Variants in PRDM6 observed in about 807,000 individuals in gnomAD.
The protein encoded by PRDM6 is putative histone-lysine N-methyltransferase PRDM6.
Under a neutral mutation model 60.8 loss-of-function variants are expected in PRDM6, and 25 were observed. That is an observed-to-expected ratio of 0.41 (90% CI 0.30 to 0.57). PRDM6 has a LOEUF of 0.57. PRDM6 is among the 20% of genes least tolerant of loss of function. The pLI is 0.27. For missense variants in PRDM6, 839 were observed against 821.3 expected (o/e 1.02, Z -0.26); for synonymous variants, 407 against 357.4 (o/e 1.14, Z -1.57).
intron 3 of PRDM6, among the ~76,000 whole-genome samples, chr5:123,139,127 G>C (rs1030514373): frequency 7.2e-5 from 11 of 151,882 alleles, no homozygotes; most frequent in Admixed American, 2.0e-4. Context: ...GTTTCCTGAG[G>C]CTTCTCCTAC....
rs1766385733 is a variant in PRDM6, at chr5:123,190,405, C to T, written c.*3204C>T. 6.6e-6 allele frequency: 1 copy of T among 152,042 alleles called. No individual in the cohort carries two copies. The highest frequency in any genetic ancestry group is 2.1e-4 in the South Asian group (1 of 4,816). The allele number at this position is 152,042 out of a possible 1,614,324, so 9.4% of individuals were successfully genotyped here. A position where few individuals can be genotyped will look rare whatever the true frequency, so the allele number is the denominator to read the frequency against. ...ATACATTTTTCATAGATAAGCTTTT[C>T]ATTTTTGTTTTGTTTTTATCTTTAA... On this transcript the variant is annotated 3_prime_UTR_variant, in exon 8 of 8. Transcript: ENST00000407847.
intron 7 of PRDM6, among the ~76,000 whole-genome samples, chr5:123,183,267 A>G (rs545373698): frequency 2.0e-5 from 3 of 152,164 alleles, no homozygotes; most frequent in Non-Finnish European, 4.4e-5. Flanking sequence ...TCAGTCCCCA[A>G]ATTGTCCCAC....
intron 3 of PRDM6, among the ~76,000 whole-genome samples, chr5:123,142,720 T>C (rs942968550): frequency 6.6e-6 from 1 of 151,970 alleles, no homozygotes; most frequent in Non-Finnish European, 1.5e-5. Context: ...ACATGATTTC[T>C]AACCTAAAAA....
Position 123,099,910 on chromosome 5 carries a change from C to G in PRDM6, c.849C>G (p.Pro283=), listed in dbSNP as rs745466069. Residue 283 remains proline, a synonymous_variant, in exon 3 of 8, where the codon CCC becomes CCG. Transcript: ENST00000407847. The surrounding 1 kb of genome is among the most constrained non-coding windows in gnomAD (Gnocchi z 4.0). ...GACCTTTCCAAGGCGTGCTTCTGCC[C>G]CCAGAGAAGGTGCAGGCAGGCGCCG... ...WIGPFQGVLL[P]PEKVQAGAVR... 37 of 1,546,478 alleles carry G rather than the reference C, an allele frequency of 2.4e-5. No homozygotes were observed. Among genetic ancestry groups the G allele is most frequent in the Non-Finnish European group, 3.1e-5 (36 of 1,144,418 alleles).
rs764659923 is a variant in PRDM6 at position 123,187,047 on chromosome 5, C to T, written c.1674-40C>T. On this transcript the variant is annotated intron_variant, in intron 7 of 7. Coordinates refer to ENST00000407847, the MANE Select transcript of PRDM6 (RefSeq NM_001136239.4). The stretch of plus-strand genomic sequence containing the variant: ...AGAGGAAGCCCATCACCCTGCAGGC[C>T]CCGCTCCCTGGTCTCAATTTTCTCT... 2.7e-6 allele frequency: 4 copies of T among 1,459,156 alleles called. 1 individual carries two copies. In the South Asian group the frequency reaches 4.9e-5, roughly 18 times the overall value. The allele number at this position is 1,459,156 out of a possible 1,614,324, so 90.4% of individuals were successfully genotyped here.
chr5:123,143,072 G>A (rs1487932396), intron 3 of PRDM6, among the ~76,000 whole-genome samples: 3 of 151,542 alleles, frequency 2.0e-5, no homozygotes, highest in African/African-American at 4.9e-5. Flanking sequence ...ACTCAGTCAC[G>A]GATGTTCTCA....
chr5:123,158,533 A>G (rs1185784230), intron 4 of PRDM6, among the ~76,000 whole-genome samples: 6 of 152,206 alleles, frequency 3.9e-5, no homozygotes, highest in Admixed American at 3.9e-4. Context: ...CAAGTACAAT[A>G]TTGAGAATCT....
intron 3 of PRDM6, among the ~76,000 whole-genome samples, chr5:123,151,487 G>C (rs1765368319): frequency 6.6e-6 from 1 of 152,194 alleles, no homozygotes; most frequent in African/African-American, 2.4e-5. Context: ...AGGCAGAGAA[G>C]TGGAGAGAAG....
At chr5:123,129,299 A>G (rs1291065144) in intron 3 of PRDM6, among the ~76,000 whole-genome samples, 2 of 152,204 alleles carry the variant, frequency 1.3e-5, no homozygotes, top group African/African-American at 2.4e-5. Context: ...TTTTGTGAAG[A>G]AAGTCATTGG....
At chr5:123,112,513 T>C (rs1764335380) in intron 3 of PRDM6, among the ~76,000 whole-genome samples, 1 of 152,200 alleles carries the variant, frequency 6.6e-6, no homozygotes, top group Non-Finnish European at 1.5e-5. Flanking sequence ...CTGTTCTTTC[T>C]CACACCCGGA....
intron 3 of PRDM6, among the ~76,000 whole-genome samples, chr5:123,148,835 A>C (rs443382): frequency 0.72 from 109,384 of 152,048 alleles, 39,472 homozygotes; most frequent in Non-Finnish European, 0.75. Context: ...AGAGCTCTAC[A>C]TTTCTCTCTG....
chr5:123,158,105 A>T (rs1373544398), intron 4 of PRDM6, among the ~76,000 whole-genome samples: 3 of 152,224 alleles, frequency 2.0e-5, no homozygotes, highest in African/African-American at 7.2e-5. Flanking sequence ...GCCTCAGAAG[A>T]CCACCCATTG....
chr5:123,097,992 A>G (rs551637782), intron 2 of PRDM6, among the ~76,000 whole-genome samples: 3 of 152,362 alleles, frequency 2.0e-5, no homozygotes, highest in African/African-American at 7.2e-5. Flanking sequence ...CCCTCCAGTG[A>G]GACAGGAGGC....
intron 5 of PRDM6, among the ~76,000 whole-genome samples, chr5:123,169,044 C>T (rs369215193): frequency 7.9e-5 from 12 of 152,362 alleles, no homozygotes; most frequent in African/African-American, 2.4e-4. Context: ...TCCTGCCACG[C>T]GGCCTTGAAC....
intron 2 of PRDM6, among the ~76,000 whole-genome samples, chr5:123,096,102 C>A (rs935545073): frequency 2.5e-3 from 1 of 402 alleles, no homozygotes; most frequent in African/African-American, 8.8e-3. Context: ...GACGCTTAGA[C>A]AGGAGCATTG....
chr5:123,109,375 G>A (rs529798580), intron 3 of PRDM6, among the ~76,000 whole-genome samples: 1 of 152,248 alleles, frequency 6.6e-6, no homozygotes, highest in African/African-American at 2.4e-5. Flanking sequence ...TGACTTTTGT[G>A]TAGTAATTGA....
chr5:123,172,624 G>A (rs1176205828), intron 6 of PRDM6, among the ~76,000 whole-genome samples: 1 of 152,194 alleles, frequency 6.6e-6, no homozygotes, highest in East Asian at 1.9e-4. Context: ...TACAAAAGAT[G>A]CATTAAAATC....
chr5:123,149,635 G>A (rs1029327697), intron 3 of PRDM6, among the ~76,000 whole-genome samples: 5 of 152,160 alleles, frequency 3.3e-5, no homozygotes, highest in African/African-American at 1.2e-4. Context: ...ATTAACTTTA[G>A]GAAAGTGTGG....
intron 3 of PRDM6, among the ~76,000 whole-genome samples, chr5:123,154,521 A>G (rs1561860063): frequency 1.3e-5 from 2 of 151,998 alleles, no homozygotes; most frequent in East Asian, 3.8e-4. Flanking sequence ...AAAATAAAAT[A>G]AAATAAATAA....
Sources: allele counts gnomAD v4.1 joint callset (sites outside exome capture counted in the v4.1 genomes callset), GRCh38; gene constraint gnomAD v4.1.1; non-coding constraint Gnocchi (gnomAD v3.1); transcripts MANE v1.5; gene names NCBI Gene and HGNC (gene_info 2026-07-23, HGNC 2026-07-21).